Variants in ADAMTS7 observed in about 807,000 individuals in gnomAD.
ADAMTS7 encodes A disintegrin and metalloproteinase with thrombospondin motifs 7.
A neutral mutation model predicts 172.6 loss-of-function variants in ADAMTS7; 89 were observed. The observed-to-expected ratio is 0.52, with a 90% CI of 0.43 to 0.61. ADAMTS7 has a LOEUF of 0.61. Among genes scored for constraint, ADAMTS7 ranks in the 20% least tolerant of loss-of-function variants. The pLI is 0.00. For missense variants in ADAMTS7, 1,973 were observed against 2,355.6 expected, an observed-to-expected ratio of 0.84 and a Z score of 3.36; for synonymous variants, 885 against 978.4, an observed-to-expected ratio of 0.90 and a Z score of 1.78.
chr15:78,795,271 G>A (rs1251641722), intron 4 of ADAMTS7, among the ~76,000 whole-genome samples: 1 of 152,222 alleles, frequency 6.6e-6, no homozygotes, highest in Non-Finnish European at 1.5e-5. Context: ...GGCTGTTAGT[G>A]GCTCCCCTCC....
intron 4 of ADAMTS7, among the ~76,000 whole-genome samples, chr15:78,794,629 G>C (rs2055620301): frequency 1.3e-5 from 2 of 152,368 alleles, no homozygotes; most frequent in South Asian, 4.1e-4. Context: ...AGCCAGGAAG[G>C]GGCCAGGCCC....
chr15:78,798,760 T>A (rs1334025946), intron 2 of ADAMTS7, among the ~76,000 whole-genome samples: 1 of 152,154 alleles, frequency 6.6e-6, no homozygotes, highest in East Asian at 1.9e-4. Flanking sequence ...GGAAGCATCT[T>A]TGATGCCCAC....
chr15:78,793,020 G>C (rs909560768), intron 4 of ADAMTS7, among the ~76,000 whole-genome samples: 4 of 152,172 alleles, frequency 2.6e-5, no homozygotes, highest in Non-Finnish European at 4.4e-5. Flanking sequence ...GAAGGTGGCT[G>C]TGGGTCAGAT....
In ADAMTS7 at chr15:78,800,483, GC is replaced by G. The variant is rs749214892; in HGVS notation, c.164del (p.Gly55AlafsTer41). The G allele has an allele frequency of 6.2e-7, 1 of 1,610,168 alleles. No homozygotes were observed. The highest frequency in any genetic ancestry group is 8.5e-7 in the Non-Finnish European group (1 of 1,178,820). On this transcript the variant is annotated frameshift_variant, in exon 2 of 24. Coordinates refer to ENST00000388820, the MANE Select transcript of ADAMTS7 (RefSeq NM_014272.5). LOFTEE classifies it high-confidence loss of function. ...IVHPVRVDAG[G>X]SFLSYELWPR... The stretch of plus-strand genomic sequence containing the variant: ...GCCACAGCTCGTAGGACAGGAAGGA[GC>G]CCCCCGCGTCGACTCGAACCGGGTG...
intron 17 of ADAMTS7, 116 bp downstream of exon 17, chr15:78,768,017 G>A: frequency 2.9e-6 from 1 of 343,528 alleles, no homozygotes; most frequent in South Asian, 3.0e-5. Flanking sequence ...GGCAGACCCA[G>A]GATGCCTGGG....
intron 6 of ADAMTS7, among the ~76,000 whole-genome samples, 178 bp from the exon 7 acceptor site, chr15:78,790,016 C>T (rs184636081): frequency 2.7e-3 from 414 of 152,374 alleles, no homozygotes; most frequent in Non-Finnish European, 2.6e-3. Flanking sequence ...CTCATTTACA[C>T]ACAACCGGCT....
chr15:78,794,722 T>G (rs2055621859), intron 4 of ADAMTS7, among the ~76,000 whole-genome samples: 1 of 152,052 alleles, frequency 6.6e-6, no homozygotes, highest in South Asian at 2.1e-4. Flanking sequence ...TTTGTTTTTG[T>G]TTTTGTTTTT....
chr15:78,769,377 C>T (rs1202222685), intron 16 of ADAMTS7, among the ~76,000 whole-genome samples: 1 of 152,182 alleles, frequency 6.6e-6, no homozygotes, highest in Non-Finnish European at 1.5e-5. Flanking sequence ...CCACATCCGT[C>T]CCCCTCTTTC....
intron 8 of ADAMTS7, among the ~76,000 whole-genome samples, chr15:78,783,968 T>C (rs566200371): frequency 6.6e-6 from 1 of 152,190 alleles, no homozygotes; most frequent in East Asian, 1.9e-4. Flanking sequence ...ACACTCAATG[T>C]ATATTTAGTG....
chr15:78,775,379 G>A (rs2055326133), intron 11 of ADAMTS7, among the ~76,000 whole-genome samples: 1 of 152,214 alleles, frequency 6.6e-6, no homozygotes, highest in Non-Finnish European at 1.5e-5. Context: ...TGGAGGCCAG[G>A]AGGCAGGGAG....
At chr15:78,800,736 T>C (rs1399339485) in intron 1 of ADAMTS7, among the ~76,000 whole-genome samples, 189 bp from the exon 2 acceptor site, 2 of 152,198 alleles carry the variant, frequency 1.3e-5, no homozygotes, top group African/African-American at 4.8e-5. Flanking sequence ...ATCTGGATCG[T>C]TGCAGTAACT....
At chr15:78,806,091 A>ACACAC (rs1318537417) in intron 1 of ADAMTS7, among the ~76,000 whole-genome samples, 384 of 27,426 alleles carry the variant, frequency 0.014, 19 homozygotes, top group Middle Eastern at 0.029. Context: ...CCCCCCCAAA[A>ACACAC]ACACACACAC....
chr15:78,765,517 C>G lies in ADAMTS7; in HGVS notation c.4266+128G>C, dbSNP rs1166008971. The stretch of plus-strand genomic sequence containing the variant: ...CCGGGGTCCCCTCATCCCCCTAATC[C>G]TGGGAACCCCTGCCCCAAGAGAGGC... On this transcript the variant is annotated intron_variant, in intron 19 of 23. Transcript: ENST00000388820. The G allele has an allele frequency of 3.3e-5, 48 of 1,473,906 alleles. No homozygotes were observed. The South Asian group carries it at 5.6e-4, about 17-fold the overall frequency. The allele number at this position is 1,473,906 out of a possible 1,614,324, so 91.3% of individuals were successfully genotyped here.
intron 1 of ADAMTS7, chr15:78,810,858 G>T: frequency 2.9e-6 from 1 of 342,096 alleles, no homozygotes; most frequent in Non-Finnish European, 5.2e-6. Flanking sequence ...AGCCCGAAGA[G>T]CGGAAGGGGC....
At position 78,776,316 on chromosome 15, in the gene ADAMTS7, C is replaced by T; in HGVS notation, c.1578G>A (p.Glu526=). The change falls in exon 11 of 24, where the codon GAG becomes GAA. Residue 526 remains glutamate (E), a synonymous_variant. Coordinates refer to ENST00000388820, the MANE Select transcript of ADAMTS7 (RefSeq NM_014272.5). Reference sequence around the variant, plus strand: ...CGGGCCGGAAGCCCACGGGTACGCACTCCCCACTGAGACACCACTACTGAG... The same window carrying T: ...CGGGCCGGAAGCCCACGGGTACGCATTCCCCACTGAGACACCACTACTGAG... ...CGENKWCLSG[E]CVPVGFRPEA... 1 of 1,611,696 alleles carries T rather than the reference C, an allele frequency of 6.2e-7. No homozygotes were observed. The highest frequency in any genetic ancestry group is 1.1e-5 in the South Asian group (1 of 90,966).
chr15:78,780,445 T>C (rs1218647072), intron 8 of ADAMTS7, among the ~76,000 whole-genome samples: 2 of 151,978 alleles, frequency 1.3e-5, no homozygotes, highest in Admixed American at 1.3e-4. Flanking sequence ...GTCCACGGGG[T>C]GAAGTGAAGG....
chr15:78,768,517 GTGCCCAGACCCTCTGCATCCCAGCTGAGA>G (rs1006229680), intron 16 of ADAMTS7, among the ~76,000 whole-genome samples: 59 of 152,280 alleles, frequency 3.9e-4, no homozygotes, highest in African/African-American at 1.3e-3. Flanking sequence ...AGTGGGTTGG[GTGCCCAGACCCTCTGCATCCCAGCTGAGA>G]TGCCTGGGCA....
intron 2 of ADAMTS7, among the ~76,000 whole-genome samples, chr15:78,799,862 G>A (rs2055694963): frequency 6.7e-6 from 1 of 150,256 alleles, no homozygotes; most frequent in Non-Finnish European, 1.5e-5. Context: ...AGAGTGCCTG[G>A]GGTCTCGCTG....
intron 8 of ADAMTS7, among the ~76,000 whole-genome samples, chr15:78,783,279 C>CT (rs1473470231): frequency 3.3e-5 from 5 of 151,904 alleles, no homozygotes; most frequent in Non-Finnish European, 7.4e-5. Flanking sequence ...TTTAAGAAAA[C>CT]TTTTTTTTGA....
Sources: gnomAD v4.1 joint callset for allele counts (sites outside exome capture counted in the v4.1 genomes callset) on GRCh38, gnomAD v4.1.1 for gene constraint, MANE v1.5 for transcripts, NCBI Gene and HGNC (gene_info 2026-07-23, HGNC 2026-07-21) for gene names.